LAMA3: variants seen among roughly 807,000 people sequenced by gnomAD.
LAMA3 encodes the protein laminin subunit alpha 3.
A neutral mutation model predicts 402.0 loss-of-function variants in LAMA3; 281 were observed. The observed-to-expected ratio is 0.70, with a 90% CI of 0.63 to 0.77. The LOEUF (loss-of-function observed/expected upper bound fraction) is 0.77. Ranked by LOEUF, LAMA3 falls within the 30% of genes least tolerant of loss-of-function variation. The probability of loss-of-function intolerance (pLI) is 0.00; values close to 1 mark genes in which losing one functional copy is unlikely to be tolerated. For synonymous variants in LAMA3, 1,431 were observed against 1,558.4 expected (o/e 0.92, Z 1.93); for missense variants, 3,840 against 4,215.5 (o/e 0.91, Z 2.47).
intron 42 of LAMA3, among the ~76,000 whole-genome samples, chr18:23,891,442 A>G (rs1267817017): frequency 6.6e-6 from 1 of 152,202 alleles, no homozygotes; most frequent in Non-Finnish European, 1.5e-5. Flanking sequence ...TATCAGAGTA[A>G]AGTTTTTTCC....
intron 2 of LAMA3, among the ~76,000 whole-genome samples, chr18:23,738,837 G>C (rs2061518871): frequency 6.6e-6 from 1 of 152,198 alleles, no homozygotes. Flanking sequence ...ACTCTTGGAA[G>C]GAATCATGCA....
At position 23,758,410 on chromosome 18, in the gene LAMA3, G is replaced by A. The variant is rs747557876; in HGVS notation, c.962G>A (p.Cys321Tyr). 5 of 1,613,852 alleles carry A rather than the reference G, an allele frequency of 3.1e-6. No individual in the cohort carries two copies. The highest frequency in any genetic ancestry group is 2.2e-5 in the East Asian group (1 of 44,882). The change falls in exon 7 of 75, where the codon TGC becomes TAC. Residue 321 changes from cysteine (C) to tyrosine (Y), a missense_variant. Cys to Tyr is a radical substitution (Grantham distance 194, BLOSUM62 -2). Around this residue, in one of 3 missense-constraint regions of LAMA3, gnomAD observed 2,109 missense variants for 2,376.0 expected, o/e 0.89. Coordinates refer to ENST00000313654, the MANE Select transcript of LAMA3 (RefSeq NM_198129.4). ...NNPEKLFRCE[C>Y]QHHTCGETCD... ...CACATGCCCAGGTTTCGGTGTGAAT[G>A]CCAGCACCACACCTGTGGGGAGACG...
intron 60 of LAMA3, among the ~76,000 whole-genome samples, chr18:23,920,662 G>T (rs1047522725): frequency 1.3e-5 from 2 of 152,166 alleles, no homozygotes; most frequent in African/African-American, 4.8e-5. Flanking sequence ...TTATACACCA[G>T]TTATGGATCG....
intron 2 of LAMA3, among the ~76,000 whole-genome samples, chr18:23,736,031 T>C (rs555441749): frequency 1.3e-5 from 2 of 152,216 alleles, no homozygotes; most frequent in South Asian, 2.1e-4. Context: ...ATGGTTTTTA[T>C]TGGGCCCTTT....
chr18:23,870,731 G>C (rs1193116917), intron 37 of LAMA3, among the ~76,000 whole-genome samples: 1 of 152,212 alleles, frequency 6.6e-6, no homozygotes, highest in Non-Finnish European at 1.5e-5. Flanking sequence ...AAACAAGCCA[G>C]TCACAAAAGG....
chr18:23,866,481 AG>A (rs1275273386), intron 36 of LAMA3, among the ~76,000 whole-genome samples: 2 of 152,236 alleles, frequency 1.3e-5, no homozygotes, highest in African/African-American at 4.8e-5. Context: ...AAAAACTCCA[AG>A]GAACCTTTGC....
chr18:23,896,681 C>T (rs969813640), intron 44 of LAMA3, among the ~76,000 whole-genome samples: 2 of 152,166 alleles, frequency 1.3e-5, no homozygotes, highest in Non-Finnish European at 2.9e-5. Flanking sequence ...CAATGCTCAT[C>T]GTTGGGTGAT....
At chr18:23,890,197 C>T in intron 42 of LAMA3, 80 bp downstream of exon 42, 1 of 894,096 alleles carries the variant, frequency 1.1e-6, no homozygotes, top group Non-Finnish European at 1.9e-6. Context: ...AAGCACACAT[C>T]TTCAGGATGC....
chr18:23,915,658 G>GTCTT (rs2081585767), intron 59 of LAMA3, among the ~76,000 whole-genome samples: 1 of 152,126 alleles, frequency 6.6e-6, no homozygotes, highest in East Asian at 1.9e-4. Context: ...CTTGAAAAAA[G>GTCTT]TCTTTATGAA....
At chr18:23,834,884 G>A (rs1051083927) in intron 24 of LAMA3, 2 of 152,206 alleles carry the variant, frequency 1.3e-5, no homozygotes, top group Non-Finnish European at 2.9e-5. Flanking sequence ...AAACTTTTAT[G>A]AGAATCGATG....
Position 23,824,165 on chromosome 18 carries a change from C to G in LAMA3, c.2429-258C>G, listed in dbSNP as rs554943505. ...TAAACTGTTTACAAGTATTAATATA[C>G]TTATTTAATAAGTTAAACAATTATT... is the stretch of plus-strand genomic sequence containing the variant. On this transcript the variant is annotated intron_variant, in intron 20 of 74. Transcript: ENST00000313654. 7.9e-5 allele frequency among the ~76,000 whole-genome samples: 12 copies of G among 152,312 alleles called. 1 individual carries two copies. The South Asian group carries it at 1.9e-3, about 24-fold the overall frequency.
At chr18:23,700,655 A>G (rs2145843928) in intron 1 of LAMA3, among the ~76,000 whole-genome samples, 1 of 152,322 alleles carries the variant, frequency 6.6e-6, no homozygotes, top group Non-Finnish European at 1.5e-5. Context: ...ATCATAATGC[A>G]TCTGGAACAC....
chr18:23,695,553 G>T (rs2060668032), intron 1 of LAMA3, among the ~76,000 whole-genome samples: 1 of 152,006 alleles, frequency 6.6e-6, no homozygotes, highest in African/African-American at 2.4e-5. Context: ...CAGGAATGGT[G>T]GCTCATACTT....
intron 12 of LAMA3, among the ~76,000 whole-genome samples, chr18:23,788,045 G>A (rs1323959669): frequency 6.6e-6 from 1 of 151,998 alleles, no homozygotes; most frequent in Non-Finnish European, 1.5e-5. Context: ...GCACAAAGGA[G>A]ATAGGTGAGA....
chr18:23,820,076 A>C, intron 19 of LAMA3, 79 bp downstream of exon 19: 1 of 1,376,550 alleles, frequency 7.3e-7, no homozygotes, highest in Admixed American at 1.7e-5. Context: ...AGCCCCCTGA[A>C]AGGTGACCTG....
chr18:23,906,932 G>T (rs1186410342), intron 52 of LAMA3, among the ~76,000 whole-genome samples: 1 of 152,166 alleles, frequency 6.6e-6, no homozygotes, highest in Non-Finnish European at 1.5e-5. Flanking sequence ...ATGACCCAAG[G>T]ATGGCAATAT....
At chr18:23,915,476 A>G in intron 59 of LAMA3, 54 bp downstream of exon 59, 1 of 1,544,558 alleles carries the variant, frequency 6.5e-7, no homozygotes, top group Non-Finnish European at 8.9e-7. Context: ...GGTAACTTGC[A>G]GTACTTTTAC....
At position 23,827,438 on chromosome 18, in the gene LAMA3, C is replaced by G. The variant is rs1020914017; in HGVS notation, c.2794C>G (p.Pro932Ala). 9 of 1,614,004 alleles carry G rather than the reference C, an allele frequency of 5.6e-6. No individual in the cohort carries two copies. In the South Asian group the frequency reaches 8.8e-5, roughly 16 times the overall value. ...AGTGAGGCAGCCCACACCTGCACAC[C>G]CTGTCATGGTGGACCTCAGCGGGAG... ...VAVRQPTPAH[P>A]VMVDLSGREV... Residue 932 changes from proline to alanine, a missense_variant, in exon 23 of 75, where the codon CCT becomes GCT. This residue lies in a region of LAMA3 where 2,109 missense variants were observed against 2,376.0 expected (regional missense o/e 0.89). Transcript: ENST00000313654.
At chr18:23,801,636 C>T (rs1207178026) in intron 12 of LAMA3, among the ~76,000 whole-genome samples, 5 of 152,152 alleles carry the variant, frequency 3.3e-5, no homozygotes, top group Admixed American at 6.5e-5. Context: ...TTTCCATAAT[C>T]GCCGTACCAA....
Sources: gnomAD v4.1 joint callset for allele counts (sites outside exome capture counted in the v4.1 genomes callset) on GRCh38, gnomAD v4.1.1 for gene constraint, gnomAD v4.1.1 regional missense constraint, MANE v1.5 for transcripts, NCBI Gene and HGNC (gene_info 2026-07-23, HGNC 2026-07-21) for gene names.